Variants in NVL observed in about 807,000 individuals in gnomAD.
NVL encodes nuclear VCP like, also known as nuclear valosin-containing protein-like.
NVL carries 84 observed loss-of-function variants against 110.2 expected under a neutral mutation model. The observed-to-expected ratio is 0.76, with a 90% CI of 0.64 to 0.91. NVL has a LOEUF of 0.91. Among genes scored for constraint, NVL ranks in the 40% least tolerant of loss-of-function variants. The probability of loss-of-function intolerance (pLI) is 0.00; values close to 1 mark genes in which losing one functional copy is unlikely to be tolerated. For synonymous variants in NVL, 354 were observed against 361.1 expected (o/e 0.98, Z 0.22); for missense variants, 882 against 1,035.9 (o/e 0.85, Z 2.04).
Position 224,316,457 on chromosome 1 carries a change from G to A in NVL, c.284+1237C>T, listed in dbSNP as rs1025029536. Among the ~76,000 whole-genome samples the A allele has an allele frequency of 3.9e-5, 6 of 151,908 alleles. No homozygotes were observed. In the South Asian group the frequency reaches 8.3e-4, roughly 21 times the overall value. ...TCCCAACACTTTGGGAGGATGAGGC[G>A]GGCAGACTGCTTGAGCCCAGGAGTT... On this transcript the variant is annotated intron_variant, in intron 4 of 22. Transcript: ENST00000281701.
chr1:224,313,127 G>A (rs1159755410), intron 4 of NVL: 7 of 319,926 alleles, frequency 2.2e-5, no homozygotes, highest in Admixed American at 9.7e-5. Flanking sequence ...CCAGTGCACT[G>A]AAGCCTGGGT....
At chr1:224,312,432 G>A (rs1264743967) in intron 4 of NVL, 3 of 152,340 alleles carry the variant, frequency 2.0e-5, no homozygotes, top group African/African-American at 7.2e-5. Flanking sequence ...ACTACAAGCT[G>A]AGAATGTAGT....
chr1:224,244,411 C>T (rs997738374), intron 19 of NVL, among the ~76,000 whole-genome samples: 1 of 152,014 alleles, frequency 6.6e-6, no homozygotes, highest in South Asian at 2.1e-4. Flanking sequence ...TAGTGATAGA[C>T]CTCTTATCAC....
chr1:224,227,848 CT>C, intron 22 of NVL, 178 bp from the exon 23 acceptor site: 1 of 398,752 alleles, frequency 2.5e-6, no homozygotes, highest in South Asian at 4.2e-5. Context: ...CAGGTAGACT[CT>C]TATCCAATAT....
intron 2 of NVL, among the ~76,000 whole-genome samples, chr1:224,322,762 T>C (rs182687676): frequency 6.6e-6 from 1 of 152,288 alleles, no homozygotes; most frequent in East Asian, 1.9e-4. Flanking sequence ...AAGACCAGCC[T>C]GGGCAACACA....
chr1:224,267,898 T>C, intron 18 of NVL, 136 bp downstream of exon 18: 1 of 628,486 alleles, frequency 1.6e-6, no homozygotes, highest in Non-Finnish European at 2.7e-6. Flanking sequence ...TAATCTTCCT[T>C]TCCTAGGATG....
chr1:224,317,427 G>C (rs969606542), intron 4 of NVL, among the ~76,000 whole-genome samples: 8 of 152,178 alleles, frequency 5.3e-5, no homozygotes, highest in African/African-American at 1.9e-4. Flanking sequence ...AATAAAGGCA[G>C]TAACATTTCA....
intron 18 of NVL, among the ~76,000 whole-genome samples, chr1:224,263,582 C>A (rs1399564329): frequency 1.3e-5 from 2 of 152,114 alleles, no homozygotes; most frequent in Non-Finnish European, 2.9e-5. Flanking sequence ...ATAAGAATAG[C>A]CCTTATTTAT....
intron 15 of NVL, among the ~76,000 whole-genome samples, chr1:224,283,135 G>A (rs998540762): frequency 6.6e-6 from 1 of 152,186 alleles, no homozygotes; most frequent in Non-Finnish European, 1.5e-5. Context: ...CAGTGAAGCT[G>A]TGAAGTCCAT....
At position 224,289,634 on chromosome 1, in the gene NVL, C is replaced by A. The variant is rs1667188039; in HGVS notation, c.1425G>T (p.Met475Ile). The part of the protein sequence containing the change: ...LTPGFVGADL[M>I]ALCREAAMCA... ...ACATTGCTGCCTCTCGGCACAGTGC[C>A]ATGAGATCAGCACCAACAAAGCCTG... The change falls in exon 13 of 23, where the codon ATG (methionine) becomes ATT (isoleucine). Residue 475 changes from methionine to isoleucine, a missense_variant. By Grantham distance (10) the Met-to-Ile change is conservative (BLOSUM62 1). Coordinates refer to ENST00000281701, the MANE Select transcript of NVL (RefSeq NM_002533.4). 1.9e-6 allele frequency: 3 copies of A among 1,614,110 alleles called. No individual in the cohort carries two copies. Among genetic ancestry groups the A allele is most frequent in the African/African-American group, 1.3e-5 (1 of 74,938 alleles).
intron 18 of NVL, among the ~76,000 whole-genome samples, chr1:224,253,198 CT>C (rs1662709986): frequency 6.6e-6 from 1 of 151,790 alleles, no homozygotes; most frequent in African/African-American, 2.4e-5. Context: ...GTGTGCCCCC[CT>C]GCCCCCCACG....
At chr1:224,241,589 C>T (rs145087937) in intron 19 of NVL, among the ~76,000 whole-genome samples, 98 of 152,230 alleles carry the variant, frequency 6.4e-4, no homozygotes, top group African/African-American at 2.3e-3. Context: ...GGCGTGGTGG[C>T]TCATGCCTGT....
intron 22 of NVL, among the ~76,000 whole-genome samples, chr1:224,230,137 G>GTGATTTTTTTTTAACCCTC (rs1265551615): frequency 2.6e-5 from 4 of 152,148 alleles, no homozygotes; most frequent in African/African-American, 9.7e-5. Context: ...CAGCTCCAGA[G>GTGATTTTTTTTTAACCCTC]TGATTTTTTT....
At position 224,266,695 on chromosome 1, in the gene NVL, C is replaced by T. The variant is rs150078392; in HGVS notation, c.2182+1339G>A. ...GATCTGTATCTGCTTATGAAAGGGA[C>T]GATGTGATTCTGTTCAACTCTGAGG... On this transcript the variant is annotated intron_variant, in intron 18 of 22. Coordinates refer to ENST00000281701, the MANE Select transcript of NVL (RefSeq NM_002533.4). Among the ~76,000 whole-genome samples the T allele has an allele frequency of 3.1e-3, 468 of 152,296 alleles. 2 individuals carry two copies. Among genetic ancestry groups the T allele is most frequent in the African/African-American group, 0.01 (419 of 41,572 alleles).
intron 2 of NVL, among the ~76,000 whole-genome samples, chr1:224,322,028 T>C (rs1670701017): frequency 6.6e-6 from 1 of 152,064 alleles, no homozygotes; most frequent in Admixed American, 6.6e-5. Flanking sequence ...AAAACACAAC[T>C]CACAGATTTC....
At chr1:224,274,279 A>T (rs1665524174) in intron 17 of NVL, among the ~76,000 whole-genome samples, 2 of 151,860 alleles carry the variant, frequency 1.3e-5, no homozygotes, top group South Asian at 4.2e-4. Flanking sequence ...AGAAAGAGTG[A>T]GACTCTGTTT....
chr1:224,254,708 C>T (rs1662977918), intron 18 of NVL, among the ~76,000 whole-genome samples: 1 of 151,718 alleles, frequency 6.6e-6, no homozygotes, highest in Admixed American at 6.6e-5. Flanking sequence ...AGCCACTGTG[C>T]CTGGCCAACA....
intron 18 of NVL, among the ~76,000 whole-genome samples, chr1:224,258,123 C>T (rs558670896): frequency 2.0e-5 from 3 of 152,142 alleles, no homozygotes; most frequent in Non-Finnish European, 4.4e-5. Flanking sequence ...AGACAACCCA[C>T]AGATTGGTGA....
intron 1 of NVL, 110 bp downstream of exon 1, chr1:224,329,961 G>C (rs1671520025): frequency 9.3e-7 from 1 of 1,076,468 alleles, no homozygotes. Flanking sequence ...CCCAGACTGG[G>C]GAAAGAAGAC....
Sources: gnomAD v4.1 joint callset for allele counts (sites outside exome capture counted in the v4.1 genomes callset) on GRCh38, gnomAD v4.1.1 for gene constraint, MANE v1.5 for transcripts, NCBI Gene and HGNC (gene_info 2026-07-23, HGNC 2026-07-21) for gene names.